Variants in PSMD9 observed in about 807,000 individuals in gnomAD.
PSMD9 encodes proteasome 26S subunit, non-ATPase 9, also known as 26S proteasome non-ATPase regulatory subunit 9.
A neutral mutation model predicts 25.9 loss-of-function variants in PSMD9; 26 were observed. The observed-to-expected ratio is 1.00, with a 90% CI of 0.73 to 1.39. The LOEUF (loss-of-function observed/expected upper bound fraction) is 1.39, where lower values mean the gene tolerates loss of function less well. Among genes scored for constraint, PSMD9 ranks in the 40% most tolerant of loss-of-function variants. The pLI is 0.00. For synonymous variants in PSMD9, 110 were observed against 114.5 expected (o/e 0.96, Z 0.25); for missense variants, 303 against 299.3 (o/e 1.01, Z -0.09).
At chr12:121,916,084 G>A (rs762773582) in intron 5 of PSMD9, 140 bp downstream of exon 5, 1 of 1,182,638 alleles carries the variant, frequency 8.5e-7, no homozygotes, top group Non-Finnish European at 1.2e-6. Context: ...ATAAATCCTC[G>A]TGGTAGGAAC....
intron 4 of PSMD9, among the ~76,000 whole-genome samples, chr12:121,913,213 G>A (rs1170125385): frequency 6.6e-6 from 1 of 151,862 alleles, no homozygotes; most frequent in Non-Finnish European, 1.5e-5. Flanking sequence ...CAAAGTGCTG[G>A]GATTACAGGC....
chr12:121,899,524 C>G (rs944805046), intron 2 of PSMD9, 110 bp from the exon 3 acceptor site: 1 of 1,034,372 alleles, frequency 9.7e-7, no homozygotes, highest in African/African-American at 1.6e-5. Context: ...TCACCTCTAG[C>G]TCCACATCTG....
In PSMD9 at chr12:121,918,274, G is replaced by C. The variant is rs1879987322; in HGVS notation, c.*1963G>C. 6.6e-6 allele frequency: 1 copy of C among 152,212 alleles called. No individual in the cohort carries two copies. The highest frequency in any genetic ancestry group is 1.5e-5 in the Non-Finnish European group (1 of 68,054). The allele number at this position is 152,212 out of a possible 1,614,324, so 9.4% of individuals were successfully genotyped here. Reference sequence around the variant, plus strand: ...TGCATCCATGAGACCTGGAAATTCAGTTTGCTTTTGGAAAAGAGCATTGTA... The same window carrying C: ...TGCATCCATGAGACCTGGAAATTCACTTTGCTTTTGGAAAAGAGCATTGTA... On this transcript the variant is annotated 3_prime_UTR_variant, in exon 6 of 6. Transcript: ENST00000541212. The surrounding 1 kb of genome is among the most constrained non-coding windows in gnomAD (Gnocchi z 4.3).
At chr12:121,890,240 G>A (rs866763923) in intron 1 of PSMD9, among the ~76,000 whole-genome samples, 4 of 151,966 alleles carry the variant, frequency 2.6e-5, no homozygotes, top group African/African-American at 2.4e-5. Context: ...TCATACGGAG[G>A]GCCAGAGAAC....
intron 3 of PSMD9, 100 bp from the exon 4 acceptor site, chr12:121,902,906 A>T: frequency 1.1e-6 from 1 of 942,686 alleles, no homozygotes; most frequent in Non-Finnish European, 1.7e-6. Flanking sequence ...GTAGAAAACA[A>T]GCTCGTGACC....
rs771524923 is a variant in PSMD9, at chr12:121,889,004, G to A, written c.138+10G>A. 6.3e-6 allele frequency: 10 copies of A among 1,577,402 alleles called. No individual in the cohort carries two copies. The African/African-American group carries it at 1.3e-4, about 21-fold the overall frequency. On this transcript the variant is annotated intron_variant, in intron 1 of 5. Coordinates refer to ENST00000541212, the MANE Select transcript of PSMD9 (RefSeq NM_002813.7). ...TGACGTGCTGGAAAGCGTGAGTGTG[G>A]GTTCGGGGCGCCCCAAGTCGCCTAA... is the stretch of plus-strand genomic sequence containing the variant.
At chr12:121,893,297 C>A (rs1037576070) in intron 1 of PSMD9, among the ~76,000 whole-genome samples, 1 of 152,148 alleles carries the variant, frequency 6.6e-6, no homozygotes, top group East Asian at 1.9e-4. Flanking sequence ...TATCTCCCTG[C>A]GCAGTGGACA....
chr12:121,913,865 G>A (rs2135733558), intron 4 of PSMD9, among the ~76,000 whole-genome samples: 1 of 151,780 alleles, frequency 6.6e-6, no homozygotes, highest in African/African-American at 2.4e-5. Context: ...TTGATACATA[G>A]AAGTTTTAGA....
intron 1 of PSMD9, among the ~76,000 whole-genome samples, chr12:121,889,877 T>A (rs1201935703): frequency 1.3e-5 from 2 of 151,928 alleles, no homozygotes; most frequent in Admixed American, 1.3e-4. Flanking sequence ...TATGCCCAAG[T>A]AGGGTGGGAT....
At chr12:121,899,327 C>T (rs1420200999) in intron 2 of PSMD9, 1 of 362,290 alleles carries the variant, frequency 2.8e-6, no homozygotes, top group Non-Finnish European at 5.2e-6. Context: ...TCTCAGGGCT[C>T]ACCCGAGACA....
At chr12:121,889,281 C>T (rs535333463) in intron 1 of PSMD9, among the ~76,000 whole-genome samples, 1 of 152,174 alleles carries the variant, frequency 6.6e-6, no homozygotes, top group African/African-American at 2.4e-5. Context: ...TTGCAACAAC[C>T]CTTTGAGGTG....
At position 121,894,977 on chromosome 12, in the gene PSMD9, A is replaced by G. The variant is rs1879190501; in HGVS notation, c.241+136A>G. Reference sequence around the variant, plus strand: ...GGGATTGTCTTGTCCCCATCCAAGGACTGAGAACCAAGGGAATGGGCTAGA... The same window carrying G: ...GGGATTGTCTTGTCCCCATCCAAGGGCTGAGAACCAAGGGAATGGGCTAGA... On this transcript the variant is annotated intron_variant, in intron 2 of 5. Transcript: ENST00000541212. The G allele has an allele frequency of 4.1e-6, 3 of 739,686 alleles. No individual in the cohort carries two copies. The Admixed American group carries it at 7.6e-5, about 19-fold the overall frequency. The allele number at this position is 739,686 out of a possible 1,614,324, so 45.8% of individuals were successfully genotyped here.
intron 4 of PSMD9, among the ~76,000 whole-genome samples, chr12:121,912,115 C>T (rs1362702924): frequency 2.0e-5 from 3 of 151,788 alleles, no homozygotes; most frequent in Admixed American, 6.6e-5. Flanking sequence ...TCTTGGCTCA[C>T]TGCAATCTGG....
chr12:121,899,651 A>G lies in PSMD9; in HGVS notation c.259A>G (p.Lys87Glu). Reference protein sequence around the residue: ...HNIICLQNDHKAVMKQVEEAL... With the variant: ...HNIICLQNDHEAVMKQVEEAL... ...CATCCCAGGCCTGCAGAATGATCAC[A>G]AGGCAGTGATGAAGCAGGTGGAGGA... The change falls in exon 3 of 6, where the codon AAG (lysine) becomes GAG (glutamate). Residue 87 changes from lysine to glutamate, a missense_variant. Physicochemically the swap from Lys to Glu is moderately conservative, Grantham distance 56. Transcript: ENST00000541212. 1 of 1,609,854 alleles carries G rather than the reference A, an allele frequency of 6.2e-7. No individual in the cohort carries two copies. Among genetic ancestry groups the G allele is most frequent in the Non-Finnish European group, 8.5e-7 (1 of 1,178,178 alleles).
At chr12:121,891,572 C>T (rs1168674) in intron 1 of PSMD9, among the ~76,000 whole-genome samples, 130,638 of 150,302 alleles carry the variant, frequency 0.87, 56,948 homozygotes, top group African/African-American at 0.92. Flanking sequence ...TGCACTTCAG[C>T]CTGGGTGACA....
At chr12:121,891,001 C>A (rs905967724) in intron 1 of PSMD9, among the ~76,000 whole-genome samples, 3 of 145,636 alleles carry the variant, frequency 2.1e-5, no homozygotes, top group Admixed American at 2.1e-4. Flanking sequence ...AATCCCAGCA[C>A]TTTGGGAGGC....
chr12:121,902,088 A>G (rs1021391865), intron 3 of PSMD9: 1 of 152,214 alleles, frequency 6.6e-6, no homozygotes, highest in East Asian at 1.9e-4. Context: ...CTTTTTGGCT[A>G]TTACGAAGCA....
chr12:121,890,353 A>G (rs935000814), intron 1 of PSMD9, among the ~76,000 whole-genome samples: 1 of 152,188 alleles, frequency 6.6e-6, no homozygotes, highest in African/African-American at 2.4e-5. Context: ...AATTTCTCAA[A>G]CTTTAGTTTA....
chr12:121,905,288 CG>C (rs1046982606), intron 4 of PSMD9, among the ~76,000 whole-genome samples: 2 of 149,942 alleles, frequency 1.3e-5, no homozygotes, highest in South Asian at 2.1e-4. Flanking sequence ...GGTGCAGTCT[CG>C]GGGGGGCTAC....
Sources: allele counts gnomAD v4.1 joint callset (sites outside exome capture counted in the v4.1 genomes callset), GRCh38; gene constraint gnomAD v4.1.1; non-coding constraint Gnocchi (gnomAD v3.1); transcripts MANE v1.5; gene names NCBI Gene and HGNC (gene_info 2026-07-23, HGNC 2026-07-21).